Variants in MYO16 observed in about 807,000 individuals in gnomAD.
MYO16 encodes unconventional myosin-XVI.
Under a neutral mutation model 205.3 loss-of-function variants are expected in MYO16, and 94 were observed. The observed-to-expected ratio is 0.46, with a 90% CI of 0.39 to 0.54. MYO16 has a LOEUF of 0.54. MYO16 is among the 20% of genes least tolerant of loss of function. The probability of loss-of-function intolerance (pLI) is 0.00; values close to 1 mark genes in which losing one functional copy is unlikely to be tolerated. For missense variants in MYO16, 2,315 were observed against 2,387.5 expected, an observed-to-expected ratio of 0.97 and a Z score of 0.63; for synonymous variants, 988 against 954.0, an observed-to-expected ratio of 1.04 and a Z score of -0.66.
chr13:109,000,713 G>A (rs1885184103), intron 21 of MYO16, among the ~76,000 whole-genome samples: 2 of 151,896 alleles, frequency 1.3e-5, no homozygotes, highest in Admixed American at 1.3e-4. Flanking sequence ...CTAACTCTTG[G>A]GCATGGCTTC....
chr13:109,205,050 T>G (rs77769204), intron 34 of MYO16, among the ~76,000 whole-genome samples: 1 of 151,142 alleles, frequency 6.6e-6, no homozygotes. Flanking sequence ...CCCTAAAGAA[T>G]AAAAAAAAAA....
rs936274884 is a variant in MYO16 at position 108,810,656 on chromosome 13, G to T, written c.867+3852G>T. ...TGAATATCAATTTATATGCATGGAA[G>T]ATTTATAACTCTCTCTGAAGAAATT... On this transcript the variant is annotated intron_variant, in intron 7 of 34. Transcript: ENST00000457511. Among the ~76,000 whole-genome samples the T allele has an allele frequency of 2.5e-4, 27 of 106,040 alleles. No individual in the cohort carries two copies. The South Asian group carries it at 4.2e-3, about 17-fold the overall frequency. The allele number at this position is 106,040 out of a possible 152,430, so 69.6% of individuals were successfully genotyped here. A position where few individuals can be genotyped will look rare whatever the true frequency, so the allele number is the denominator to read the frequency against.
intron 4 of MYO16, among the ~76,000 whole-genome samples, chr13:108,759,687 G>T (rs565295391): frequency 6.6e-6 from 1 of 151,092 alleles, no homozygotes; most frequent in Non-Finnish European, 1.5e-5. Context: ...CAGGCGTGGG[G>T]GCAGGCGCCT....
chr13:108,920,969 G>T (rs1452946332), intron 16 of MYO16, among the ~76,000 whole-genome samples: 1 of 152,172 alleles, frequency 6.6e-6, no homozygotes, highest in African/African-American at 2.4e-5. Context: ...CCAAATGTCT[G>T]CTTGGAGACC....
chr13:108,870,592 G>A (rs544068192), intron 12 of MYO16, among the ~76,000 whole-genome samples: 2 of 148,430 alleles, frequency 1.3e-5, no homozygotes, highest in Admixed American at 6.9e-5. Context: ...TTCTTTCTGT[G>A]CTAGTTTTTA....
rs1876316278 is a variant in MYO16 at position 109,127,469 on chromosome 13, AG to A, written c.3973del (p.Asp1325ThrfsTer6). On this transcript the variant is annotated frameshift_variant, in exon 31 of 35. Coordinates refer to ENST00000457511, the MANE Select transcript of MYO16 (RefSeq NM_001198950.3). LOFTEE classifies it high-confidence loss of function. This position sits in a 1 kb window ranked among gnomAD's most constrained non-coding sequence, Gnocchi z 4.2. ...GAAACAGCCCCCGCCCAAGCCAAAG[AG>A]GGACCCCAACACCCGGCTGAGTGCT... ...PRKQPPPKPK[R>X]DPNTRLSASY... The A allele has an allele frequency of 6.2e-7, 1 of 1,613,870 alleles. No homozygotes were observed. The highest frequency in any genetic ancestry group is 8.5e-7 in the Non-Finnish European group (1 of 1,179,998).
intron 16 of MYO16, among the ~76,000 whole-genome samples, chr13:108,911,976 C>G (rs1170086768): frequency 6.6e-6 from 1 of 152,166 alleles, no homozygotes; most frequent in African/African-American, 2.4e-5. Flanking sequence ...TAGGAGGGAA[C>G]CAGGGTGCTG....
chr13:109,107,843 A>ATTATATTATG (rs1350971082), intron 28 of MYO16, among the ~76,000 whole-genome samples: 5 of 148,648 alleles, frequency 3.4e-5, no homozygotes, highest in Non-Finnish European at 5.9e-5. Flanking sequence ...ATTATATTAT[A>ATTATATTATG]TGTGTGTGTG....
chr13:108,719,254 A>G (rs1220469077), intron 3 of MYO16, among the ~76,000 whole-genome samples: 1 of 152,148 alleles, frequency 6.6e-6, no homozygotes. Flanking sequence ...ACTGGTAACA[A>G]AATCTTTCCT....
At chr13:109,192,300 C>A (rs1879955814) in intron 34 of MYO16, among the ~76,000 whole-genome samples, 1 of 152,172 alleles carries the variant, frequency 6.6e-6, no homozygotes, top group South Asian at 2.1e-4. Context: ...GTGATTTTTA[C>A]TATCTGTTTC....
At chr13:108,646,325 T>A (rs964774093) in intron 1 of MYO16, among the ~76,000 whole-genome samples, 1 of 152,214 alleles carries the variant, frequency 6.6e-6, no homozygotes, top group East Asian at 1.9e-4. Context: ...GGCACACAGA[T>A]GAACCACATA....
intron 15 of MYO16, among the ~76,000 whole-genome samples, chr13:108,903,391 C>G (rs2139217324): frequency 6.7e-6 from 1 of 149,772 alleles, no homozygotes; most frequent in South Asian, 2.1e-4. Context: ...CCTCAGTTTT[C>G]AGGGGTCCAC....
At chr13:108,904,664 GA>G (rs1446734357) in intron 15 of MYO16, among the ~76,000 whole-genome samples, 4 of 151,852 alleles carry the variant, frequency 2.6e-5, no homozygotes, top group African/African-American at 4.8e-5. Flanking sequence ...TGTTCATTAT[GA>G]AAAAAAGTGG....
At chr13:109,079,267 T>C (rs1010287947) in intron 27 of MYO16, among the ~76,000 whole-genome samples, 3 of 152,162 alleles carry the variant, frequency 2.0e-5, no homozygotes, top group Admixed American at 6.6e-5. Context: ...TTGCCTCCTA[T>C]TGATTGTCCA....
chr13:108,517,282 G>A, the MYO16 span, among the ~76,000 whole-genome samples: 10 of 152,250 alleles, frequency 6.6e-5, no homozygotes, highest in East Asian at 1.9e-4. Context: ...CCCTGGATAC[G>A]TATGTGTACA....
chr13:108,615,603 T>A (rs1198147436), intron 1 of MYO16, among the ~76,000 whole-genome samples: 1 of 152,050 alleles, frequency 6.6e-6, no homozygotes, highest in Non-Finnish European at 1.5e-5. Flanking sequence ...CCATTGCAAT[T>A]GAGTATTATT....
At chr13:109,030,191 G>A (rs1047082236) in intron 23 of MYO16, among the ~76,000 whole-genome samples, 2 of 148,580 alleles carry the variant, frequency 1.3e-5, no homozygotes, top group East Asian at 2.0e-4. Context: ...CTAGCGGATA[G>A]AATCACTTAA....
chr13:108,587,143 T>C, the MYO16 span, among the ~76,000 whole-genome samples: 1 of 152,086 alleles, frequency 6.6e-6, no homozygotes, highest in African/African-American at 2.4e-5. Context: ...AATGTAACCT[T>C]GTGTGGGAAA....
At chr13:108,662,341 A>G (rs1234537426) in intron 1 of MYO16, among the ~76,000 whole-genome samples, 4 of 152,170 alleles carry the variant, frequency 2.6e-5, no homozygotes, top group African/African-American at 4.8e-5. Context: ...GGAACCCTAG[A>G]ACTTCCAAGA....
Sources: gnomAD v4.1 joint callset for allele counts (sites outside exome capture counted in the v4.1 genomes callset) on GRCh38, gnomAD v4.1.1 for gene constraint, Gnocchi (gnomAD v3.1) non-coding constraint, MANE v1.5 for transcripts, NCBI Gene and HGNC (gene_info 2026-07-23, HGNC 2026-07-21) for gene names.